USP43: variants seen among roughly 807,000 people sequenced by gnomAD.
The protein encoded by USP43 is ubiquitin carboxyl-terminal hydrolase 43.
USP43 carries 33 observed loss-of-function variants against 90.7 expected under a neutral mutation model. That is an observed-to-expected ratio of 0.36 (90% CI 0.28 to 0.49). The LOEUF (loss-of-function observed/expected upper bound fraction) is 0.49, where lower values mean the gene tolerates loss of function less well. USP43 is among the 20% of genes least tolerant of loss of function. The pLI is 0.98. For synonymous variants in USP43, 598 were observed against 615.8 expected, an observed-to-expected ratio of 0.97 and a Z score of 0.43; for missense variants, 1,274 against 1,476.4, an observed-to-expected ratio of 0.86 and a Z score of 2.25.
chr17:9,646,590 A>G (rs1911421162), intron 1 of USP43, among the ~76,000 whole-genome samples: 1 of 152,170 alleles, frequency 6.6e-6, no homozygotes, highest in Non-Finnish European at 1.5e-5. Flanking sequence ...TGTAGGACTA[A>G]TCCAGGCAGG....
chr17:9,679,576 A>C (rs1224876387), intron 5 of USP43, among the ~76,000 whole-genome samples: 1 of 127,944 alleles, frequency 7.8e-6, no homozygotes, highest in Non-Finnish European at 1.5e-5. Flanking sequence ...CCCAGGCTGG[A>C]GTGCAGTGGC....
intron 14 of USP43, among the ~76,000 whole-genome samples, chr17:9,727,394 T>G (rs1022217860): frequency 6.6e-6 from 1 of 152,248 alleles, no homozygotes; most frequent in Non-Finnish European, 1.5e-5. Context: ...TCTATTCTTA[T>G]TTGTATGTTT....
Position 9,683,052 on chromosome 17 carries a change from C to A in USP43, c.1241+94C>A, listed in dbSNP as rs546342550. On this transcript the variant is annotated intron_variant, in intron 7 of 14. Coordinates refer to ENST00000285199, the MANE Select transcript of USP43 (RefSeq NM_153210.5). ...TAGAGTAAAATTAAACATTTATTCC[C>A]AAGGTTAATAAACTAGGAGCCAGAA... The A allele has an allele frequency of 3.6e-5, 53 of 1,473,886 alleles. 1 individual carries two copies. The African/African-American group carries it at 6.4e-4, about 18-fold the overall frequency. The allele number at this position is 1,473,886 out of a possible 1,614,324, so 91.3% of individuals were successfully genotyped here. A position where few individuals can be genotyped will look rare whatever the true frequency, so the allele number is the denominator to read the frequency against.
chr17:9,706,783 A>G (rs947686882), intron 12 of USP43, among the ~76,000 whole-genome samples: 16 of 151,732 alleles, frequency 1.1e-4, no homozygotes, highest in Non-Finnish European at 2.1e-4. Context: ...AGCTGGGACT[A>G]CAGGCGGGTG....
chr17:9,724,956 C>T (rs925582737), intron 14 of USP43, among the ~76,000 whole-genome samples: 3 of 152,074 alleles, frequency 2.0e-5, no homozygotes, highest in Admixed American at 6.5e-5. Context: ...CTAAGCATGG[C>T]ACCAAGAGGT....
At chr17:9,685,745 G>A (rs1398006025) in intron 7 of USP43, among the ~76,000 whole-genome samples, 15 of 152,182 alleles carry the variant, frequency 9.9e-5, no homozygotes, top group South Asian at 2.1e-4. Context: ...CATGTACATA[G>A]TGTGTAATGA....
intron 9 of USP43, among the ~76,000 whole-genome samples, chr17:9,697,169 A>T (rs1001037086): frequency 7.9e-5 from 12 of 152,314 alleles, no homozygotes; most frequent in African/African-American, 2.9e-4. Flanking sequence ...GTGAGCCGAG[A>T]TTGTTCCACT....
chr17:9,724,451 G>A (rs536583787), intron 14 of USP43, among the ~76,000 whole-genome samples: 47 of 152,206 alleles, frequency 3.1e-4, no homozygotes, highest in African/African-American at 8.4e-4. Context: ...AGGTCGAGGC[G>A]GGTGGATCAC....
chr17:9,715,550 CT>C (rs966843620), intron 14 of USP43, among the ~76,000 whole-genome samples: 72 of 140,468 alleles, frequency 5.1e-4, no homozygotes, highest in African/African-American at 2.0e-3. Context: ...GTGTCTGTGT[CT>C]TTGTGTGTGT....
intron 1 of USP43, among the ~76,000 whole-genome samples, chr17:9,655,154 G>A (rs945997627): frequency 4.0e-5 from 6 of 149,248 alleles, no homozygotes; most frequent in African/African-American, 1.5e-4. Flanking sequence ...GGATTGTCCT[G>A]GTCCTCAGTC....
intron 14 of USP43, among the ~76,000 whole-genome samples, chr17:9,719,445 C>T (rs184900743): frequency 9.2e-5 from 14 of 152,248 alleles, no homozygotes; most frequent in South Asian, 2.1e-4. Context: ...GCATTTTACT[C>T]GCATTCTCTA....
Position 9,709,473 on chromosome 17 carries a change from T to G in USP43, c.2012-483T>G, listed in dbSNP as rs1270469390. Among the ~76,000 whole-genome samples the G allele has an allele frequency of 1.3e-5, 2 of 152,116 alleles. No homozygotes were observed. The highest frequency in any genetic ancestry group is 2.9e-5 in the Non-Finnish European group (2 of 68,012). ...GCTCAGGCCTGTAATCCCAGCACTTTGGGAAGCCGAGGTGGGTGGATCATC... is the reference window on the plus strand; with the variant it reads ...GCTCAGGCCTGTAATCCCAGCACTTGGGGAAGCCGAGGTGGGTGGATCATC... On this transcript the variant is annotated intron_variant, in intron 12 of 14. Transcript: ENST00000285199. The surrounding 1 kb of genome is among the most constrained non-coding windows in gnomAD (Gnocchi z 5.0).
At chr17:9,652,430 C>T (rs1911936888) in intron 1 of USP43, among the ~76,000 whole-genome samples, 2 of 151,326 alleles carry the variant, frequency 1.3e-5, no homozygotes, top group South Asian at 2.1e-4. Context: ...GGCACCATCT[C>T]GGCTCACTGC....
At chr17:9,693,347 C>A in intron 9 of USP43, 117 bp downstream of exon 9, 2 of 852,738 alleles carry the variant, frequency 2.3e-6, no homozygotes, top group Non-Finnish European at 3.7e-6. Flanking sequence ...TGATCACTTA[C>A]CTCTCCAGTA....
chr17:9,678,974 T>G (rs1913978992), intron 5 of USP43, among the ~76,000 whole-genome samples: 1 of 152,152 alleles, frequency 6.6e-6, no homozygotes, highest in Admixed American at 6.5e-5. Flanking sequence ...GATCTTGGTA[T>G]GCATTAAATC....
At chr17:9,707,770 T>C (rs1915971229) in intron 12 of USP43, among the ~76,000 whole-genome samples, 2 of 151,986 alleles carry the variant, frequency 1.3e-5, no homozygotes, top group African/African-American at 4.8e-5. Context: ...CCAAACTATA[T>C]AGAAATCCAG....
chr17:9,680,195 A>G (rs752453628), intron 5 of USP43, 36 bp from the exon 6 acceptor site: 4 of 1,602,588 alleles, frequency 2.5e-6, no homozygotes, highest in Non-Finnish European at 3.4e-6. Flanking sequence ...TTTCTCTTTC[A>G]GAAATCAAGA....
intron 1 of USP43, among the ~76,000 whole-genome samples, chr17:9,654,697 T>A (rs575118684): frequency 2.4e-4 from 37 of 151,468 alleles, no homozygotes; most frequent in Non-Finnish European, 4.0e-4. Flanking sequence ...GTTAATTAAA[T>A]CTTGCATTTT....
chr17:9,709,406 A>C lies in USP43; in HGVS notation c.2012-550A>C, dbSNP rs1247117760. Among the ~76,000 whole-genome samples the C allele has an allele frequency of 1.3e-5, 2 of 152,152 alleles. No individual in the cohort carries two copies. Among genetic ancestry groups the C allele is most frequent in the African/African-American group, 2.4e-5 (1 of 41,430 alleles). On this transcript the variant is annotated intron_variant, in intron 12 of 14. Transcript: ENST00000285199. This position sits in a 1 kb window ranked among gnomAD's most constrained non-coding sequence, Gnocchi z 5.0. ...AGATTTTGCCTGATGAAGGGGTAGAATATTCAACTTAAAATAACAGCACTC... is the reference window on the plus strand; with the variant it reads ...AGATTTTGCCTGATGAAGGGGTAGACTATTCAACTTAAAATAACAGCACTC...
Sources: allele counts gnomAD v4.1 joint callset (sites outside exome capture counted in the v4.1 genomes callset), GRCh38; gene constraint gnomAD v4.1.1; non-coding constraint Gnocchi (gnomAD v3.1); transcripts MANE v1.5; gene names NCBI Gene and HGNC (gene_info 2026-07-23, HGNC 2026-07-21).